WIPF3: variants seen among roughly 807,000 people sequenced by gnomAD.
WIPF3 encodes WAS/WASL-interacting protein family member 3.
In WIPF3, 33 loss-of-function variants were observed where a neutral mutation model predicts 38.9. That is an observed-to-expected ratio of 0.85 (90% CI 0.64 to 1.14). WIPF3 has a LOEUF of 1.14. Ranked by LOEUF, WIPF3 falls within the 50% of genes most tolerant of loss-of-function variation. WIPF3 has a pLI of 0.00. For missense variants in WIPF3, 711 were observed against 652.5 expected (o/e 1.09, Z -0.98); for synonymous variants, 324 against 269.3 (o/e 1.20, Z -1.99).
intron 1 of WIPF3, among the ~76,000 whole-genome samples, chr7:29,811,911 A>G (rs1051532438): frequency 6.6e-6 from 1 of 152,240 alleles, no homozygotes; most frequent in African/African-American, 2.4e-5. Context: ...TGTAATTCTT[A>G]TGAGAGTCAG....
chr7:29,831,477 G>A (rs1160466383), intron 1 of WIPF3, among the ~76,000 whole-genome samples: 2 of 152,202 alleles, frequency 1.3e-5, no homozygotes, highest in African/African-American at 4.8e-5. Context: ...GCCCAATTAA[G>A]TTGACACATA....
At chr7:29,901,292 A>G (rs1330427745) in intron 7 of WIPF3, among the ~76,000 whole-genome samples, 1 of 152,038 alleles carries the variant, frequency 6.6e-6, no homozygotes, top group Admixed American at 6.5e-5. Context: ...GTGGCATCTC[A>G]TAAGGGAAAT....
chr7:29,815,795 G>T (rs1784445628), intron 1 of WIPF3, among the ~76,000 whole-genome samples: 1 of 152,156 alleles, frequency 6.6e-6, no homozygotes, highest in Admixed American at 6.5e-5. Context: ...AAACTGTAGG[G>T]GTTATGACTG....
chr7:29,807,578 C>T (rs1784302852), intron 1 of WIPF3, among the ~76,000 whole-genome samples: 1 of 152,188 alleles, frequency 6.6e-6, no homozygotes, highest in Non-Finnish European at 1.5e-5. Context: ...TGGGTGTGCC[C>T]GTGGCGGGCG....
intron 6 of WIPF3, among the ~76,000 whole-genome samples, chr7:29,888,469 C>T (rs376227359): frequency 5.3e-5 from 8 of 150,218 alleles, no homozygotes; most frequent in Admixed American, 3.3e-4. Flanking sequence ...AGAAAAGCAG[C>T]ATTTAAACTG....
At chr7:29,902,265 C>CTTTT (rs141174377) in intron 7 of WIPF3, among the ~76,000 whole-genome samples, 73 of 116,344 alleles carry the variant, frequency 6.3e-4, no homozygotes, top group South Asian at 1.0e-3. Flanking sequence ...TTTTCTTCTT[C>CTTTT]TTCTTCTTCT....
chr7:29,866,654 T>C (rs917849523), intron 2 of WIPF3, among the ~76,000 whole-genome samples: 13 of 152,274 alleles, frequency 8.5e-5, no homozygotes, highest in Admixed American at 7.8e-4. Context: ...CCTTTCTGGC[T>C]CTGGCAAAAG....
chr7:29,830,483 G>T lies in WIPF3; in HGVS notation c.-57-4185G>T, dbSNP rs193020922. The stretch of plus-strand genomic sequence containing the variant: ...AAAAATACAAAAATTAGCCAGGGGT[G>T]GCAGTGTGTGCCTGTAGTCCTAGCT... On this transcript the variant is annotated intron_variant, in intron 1 of 8. Transcript: ENST00000242140. Among the ~76,000 whole-genome samples the T allele has an allele frequency of 5.5e-3, 840 of 152,068 alleles. 5 individuals are homozygous for T. The highest frequency in any genetic ancestry group is 0.019 in the African/African-American group (773 of 41,464).
chr7:29,806,956 G>T (rs866408002), intron 1 of WIPF3, among the ~76,000 whole-genome samples: 4 of 151,794 alleles, frequency 2.6e-5, no homozygotes, highest in Non-Finnish European at 4.4e-5. Context: ...GGGGTGGGGA[G>T]CGAGGTCACC....
chr7:29,866,711 C>G (rs1785393897), intron 2 of WIPF3, among the ~76,000 whole-genome samples: 2 of 152,262 alleles, frequency 1.3e-5, no homozygotes, highest in Non-Finnish European at 2.9e-5. Context: ...GCGCTCCACT[C>G]ACTGTCTGTT....
At position 29,914,671 on chromosome 7, in the gene WIPF3, C is replaced by T. The variant is rs1391431515; in HGVS notation, c.*155C>T. On this transcript the variant is annotated 3_prime_UTR_variant, in exon 9 of 9. Coordinates refer to ENST00000242140, the MANE Select transcript of WIPF3 (RefSeq NM_001080529.3). ...TATGTGATTTGCACGGGCTTTAAAG[C>T]AGTATTTTAATTGACTTTTATTTCG... 1 of 482,294 alleles carries T rather than the reference C, an allele frequency of 2.1e-6. No individual in the cohort carries two copies. Among genetic ancestry groups the T allele is most frequent in the Non-Finnish European group, 3.6e-6 (1 of 281,638 alleles). 29.9% of individuals were successfully genotyped at this position (482,294 alleles called of 1,614,324 possible). A position where few individuals can be genotyped will look rare whatever the true frequency, so the allele number is the denominator to read the frequency against.
At position 29,884,294 on chromosome 7, in the gene WIPF3, T is replaced by G; in HGVS notation, c.800T>G (p.Leu267Arg). Reference sequence around the variant, plus strand: ...CCCATCCCGCCCCCGCTCCCTCTGCTCCCACCTTGTGGGTATCCGGGGCTC... The same window carrying G: ...CCCATCCCGCCCCCGCTCCCTCTGCGCCCACCTTGTGGGTATCCGGGGCTC... ...LPPIPPPLPL[L>R]PPCGYPGLKA... The change falls in exon 5 of 9, where the codon CTC becomes CGC. Residue 267 changes from leucine (L) to arginine (R), a missense_variant. Coordinates refer to ENST00000242140, the MANE Select transcript of WIPF3 (RefSeq NM_001080529.3). 2.3e-6 allele frequency: 2 copies of G among 872,994 alleles called. No homozygotes were observed. The highest frequency in any genetic ancestry group is 3.0e-6 in the Non-Finnish European group (2 of 664,746). The allele number at this position is 872,994 out of a possible 1,614,324, so 54.1% of individuals were successfully genotyped here. A position where few individuals can be genotyped will look rare whatever the true frequency, so the allele number is the denominator to read the frequency against.
At chr7:29,872,745 G>A (rs1411338613) in intron 2 of WIPF3, among the ~76,000 whole-genome samples, 1 of 137,650 alleles carries the variant, frequency 7.3e-6, no homozygotes, top group Non-Finnish European at 1.5e-5. Context: ...GCAGTGAGCC[G>A]AGATCGCGCC....
intron 7 of WIPF3, among the ~76,000 whole-genome samples, chr7:29,901,077 A>T (rs1432791608): frequency 6.6e-6 from 1 of 152,210 alleles, no homozygotes; most frequent in Non-Finnish European, 1.5e-5. Flanking sequence ...AGGAGATGGA[A>T]GCAGTGTCCA....
chr7:29,840,469 A>T (rs951231442), intron 2 of WIPF3, among the ~76,000 whole-genome samples: 23 of 152,282 alleles, frequency 1.5e-4, no homozygotes, highest in African/African-American at 4.6e-4. Flanking sequence ...TAAAAATTTG[A>T]CTGGGGTCTA....
At chr7:29,812,791 T>C (rs911763902) in intron 1 of WIPF3, among the ~76,000 whole-genome samples, 1 of 152,170 alleles carries the variant, frequency 6.6e-6, no homozygotes, top group African/African-American at 2.4e-5. Context: ...CTGACTGACT[T>C]CCATTATTAG....
chr7:29,852,853 C>T (rs1785125534), intron 2 of WIPF3, among the ~76,000 whole-genome samples: 2 of 152,122 alleles, frequency 1.3e-5, no homozygotes, highest in Non-Finnish European at 2.9e-5. Context: ...GAGACTTTTC[C>T]ACAGCAATTA....
chr7:29,809,360 G>A (rs544064172), intron 1 of WIPF3, among the ~76,000 whole-genome samples: 22 of 152,312 alleles, frequency 1.4e-4, no homozygotes, highest in Non-Finnish European at 7.3e-5. Flanking sequence ...CAGTGCCATC[G>A]AGCATGGTTC....
At chr7:29,834,846 G>A (rs754600091) in intron 2 of WIPF3, 32 bp downstream of exon 2, 173 of 1,508,948 alleles carry the variant, frequency 1.1e-4, no homozygotes, top group Non-Finnish European at 1.5e-4. Context: ...GGTTTACTGT[G>A]GAGCATAAAC....
Sources: gnomAD v4.1 joint callset for allele counts (sites outside exome capture counted in the v4.1 genomes callset) on GRCh38, gnomAD v4.1.1 for gene constraint, MANE v1.5 for transcripts, NCBI Gene and HGNC (gene_info 2026-07-23, HGNC 2026-07-21) for gene names.